The following ABCC8 variants were observed in gnomAD, a reference collection of about 807,000 sequenced individuals.
The protein encoded by ABCC8 is ATP-binding cassette sub-family C member 8.
A neutral mutation model predicts 188.0 loss-of-function variants in ABCC8; 137 were observed. The ratio of observed to expected loss-of-function variants is 0.73; its 90% CI spans 0.63 to 0.84. The LOEUF is 0.84. ABCC8 is among the 40% of genes least tolerant of loss of function. ABCC8 has a pLI of 0.00. For synonymous variants in ABCC8, 797 were observed against 846.5 expected (o/e 0.94, Z 1.01); for missense variants, 1,750 against 2,072.7 (o/e 0.84, Z 3.02).
At chr11:17,421,956 G>A (rs568592962) in intron 16 of ABCC8, among the ~76,000 whole-genome samples, 57 of 152,350 alleles carry the variant, frequency 3.7e-4, no homozygotes, top group African/African-American at 1.3e-3. Flanking sequence ...GCCTGGGTAT[G>A]GCTGAAAAGC....
chr11:17,427,743 C>A lies in ABCC8; in HGVS notation c.2116+124G>T. The A allele has an allele frequency of 7.6e-7, 1 of 1,322,102 alleles. No individual in the cohort carries two copies. The highest frequency in any genetic ancestry group is 1.0e-6 in the Non-Finnish European group (1 of 960,092). 81.9% of individuals were successfully genotyped at this position (1,322,102 alleles called of 1,614,324 possible). A position where few individuals can be genotyped will look rare whatever the true frequency, so the allele number is the denominator to read the frequency against. ...GTAGCCTTCCCCTTCTATAATATAC[C>A]CAGGGCATACACCAAGAATGAGCAG... On this transcript the variant is annotated intron_variant, in intron 15 of 38. Transcript: ENST00000389817. This position sits in a 1 kb window ranked among gnomAD's most constrained non-coding sequence, Gnocchi z 5.0.
intron 7 of ABCC8, among the ~76,000 whole-genome samples, chr11:17,450,415 T>C (rs575382508): frequency 6.8e-6 from 1 of 147,514 alleles, no homozygotes; most frequent in South Asian, 2.2e-4. Context: ...TTTTTTTTTT[T>C]TCAGAGTCTT....
At chr11:17,426,577 G>C (rs1466894827) in intron 16 of ABCC8, among the ~76,000 whole-genome samples, 1 of 152,160 alleles carries the variant, frequency 6.6e-6, no homozygotes, top group Non-Finnish European at 1.5e-5. Context: ...TGGATCTTCA[G>C]AACACCCACT....
At chr11:17,462,797 A>AGC (rs1006539489) in intron 4 of ABCC8, among the ~76,000 whole-genome samples, 28 of 113,270 alleles carry the variant, frequency 2.5e-4, no homozygotes, top group African/African-American at 1.3e-3. Flanking sequence ...CAGTGCAGAA[A>AGC]ACTGCATAAT....
At chr11:17,452,946 C>G (rs1248805918) in intron 7 of ABCC8, among the ~76,000 whole-genome samples, 173 bp downstream of exon 7, 1 of 152,208 alleles carries the variant, frequency 6.6e-6, no homozygotes, top group East Asian at 1.9e-4. Context: ...ATATTTTCCA[C>G]TATCCCACAC....
chr11:17,443,414 G>C, intron 8 of ABCC8, 102 bp from the exon 9 acceptor site: 1 of 1,591,188 alleles, frequency 6.3e-7, no homozygotes, highest in South Asian at 1.1e-5. Context: ...AGTGGGACAA[G>C]CCTTGGTGCC....
At chr11:17,402,380 C>G (rs1352829232) in intron 29 of ABCC8, among the ~76,000 whole-genome samples, 3 of 152,206 alleles carry the variant, frequency 2.0e-5, no homozygotes, top group Non-Finnish European at 4.4e-5. Context: ...AGCGTTGATA[C>G]ATGAAGACTT....
intron 10 of ABCC8, 115 bp downstream of exon 10, chr11:17,442,605 G>A: frequency 9.4e-7 from 1 of 1,067,942 alleles, no homozygotes; most frequent in Non-Finnish European, 1.5e-6. Flanking sequence ...TACTGAGTCG[G>A]ATAATCTCAA....
chr11:17,407,243 CA>C, intron 24 of ABCC8, 110 bp downstream of exon 24: 1 of 1,609,862 alleles, frequency 6.2e-7, no homozygotes, highest in East Asian at 2.2e-5. Flanking sequence ...AGAGGGAAGC[CA>C]TTTAATCAAA....
At position 17,412,758 on chromosome 11, in the gene ABCC8, G is replaced by A; in HGVS notation, c.2476-12C>T. On this transcript the variant is annotated splice_polypyrimidine_tract_variant and intron_variant, in intron 20 of 38. Transcript: ENST00000389817. ...GACAGGTTGATGCCCTGTCACCAAAGAGGAGGAACACATCATGCCCTCAGC... is the reference window on the plus strand; with the variant it reads ...GACAGGTTGATGCCCTGTCACCAAAAAGGAGGAACACATCATGCCCTCAGC... 1 of 1,604,174 alleles carries A rather than the reference G, an allele frequency of 6.2e-7. No individual in the cohort carries two copies. Among genetic ancestry groups the A allele is most frequent in the Non-Finnish European group, 8.5e-7 (1 of 1,175,308 alleles).
intron 10 of ABCC8, among the ~76,000 whole-genome samples, chr11:17,442,338 T>G (rs1475942219): frequency 6.6e-6 from 1 of 152,210 alleles, no homozygotes; most frequent in East Asian, 1.9e-4. Flanking sequence ...CAATGACAGC[T>G]CAGTCTGACT....
rs1953844161 is a variant in ABCC8 at position 17,395,182 on chromosome 11, T to C, written c.4401A>G (p.Pro1467=). 1 of 1,577,580 alleles carries C rather than the reference T, an allele frequency of 6.3e-7. No individual in the cohort carries two copies. The highest frequency in any genetic ancestry group is 1.8e-5 in the Admixed American group (1 of 55,474). Residue 1467 remains proline, a synonymous_variant, in exon 36 of 39, where the codon CCA becomes CCG. Transcript: ENST00000389817. The part of the protein sequence containing the change: ...AQLKLVVKAL[P]GGLDAIITEG... ...GCCAGGAGTAGTTACCGAGGCCTCC[T>C]GGCAGTGCCTTCACCACCAGCTTCA...
intron 3 of ABCC8, among the ~76,000 whole-genome samples, chr11:17,464,847 C>A (rs1441482604): frequency 6.6e-6 from 1 of 152,204 alleles, no homozygotes; most frequent in African/African-American, 2.4e-5. Context: ...CGGATAAGGT[C>A]AGCTTCATGA....
chr11:17,475,133 A>G lies in ABCC8; in HGVS notation c.149-106T>C. ...GGGCATTGGGTCCATGGTGAGGGTG[A>G]CACCTACACATGAGGATCCCCAAGG... On this transcript the variant is annotated intron_variant, in intron 1 of 38. Transcript: ENST00000389817. The G allele has an allele frequency of 1.3e-6, 2 of 1,509,174 alleles. 1 individual carries two copies. Among genetic ancestry groups the G allele is most frequent in the South Asian group, 2.4e-5 (2 of 83,974 alleles). The allele number at this position is 1,509,174 out of a possible 1,614,324, so 93.5% of individuals were successfully genotyped here.
At chr11:17,460,341 T>C (rs752649850) in intron 6 of ABCC8, 147 bp downstream of exon 6, 7 of 1,272,038 alleles carry the variant, frequency 5.5e-6, no homozygotes, top group Admixed American at 3.4e-5. Flanking sequence ...TAGAGTATTC[T>C]GTGGTGGGGA....
intron 4 of ABCC8, 36 bp from the exon 5 acceptor site, chr11:17,461,861 C>A: frequency 1.2e-6 from 2 of 1,612,136 alleles, no homozygotes; most frequent in Admixed American, 1.7e-5. Context: ...ATGGGTAAGT[C>A]CAACTTCTCA....
chr11:17,434,429 A>G (rs897037394), intron 10 of ABCC8, among the ~76,000 whole-genome samples: 4 of 152,224 alleles, frequency 2.6e-5, no homozygotes, highest in Admixed American at 2.0e-4. Context: ...ATCCTGAGTA[A>G]TCATTCAAGA....
In ABCC8 at chr11:17,394,262, C is replaced by T. The variant is rs760433463; in HGVS notation, c.4545+4G>A. ...ATGGTCCCATGGAGGGGCCCAGGAC[C>T]AACCGTGGCCATGTCAATGGAAGCC... On this transcript the variant is annotated splice_donor_region_variant and intron_variant, in intron 37 of 38. Coordinates refer to ENST00000389817, the MANE Select transcript of ABCC8 (RefSeq NM_000352.6). 2 of 1,613,738 alleles carry T rather than the reference C, an allele frequency of 1.2e-6. No individual in the cohort carries two copies. Among genetic ancestry groups the T allele is most frequent in the Non-Finnish European group, 1.7e-6 (2 of 1,179,940 alleles).
Position 17,404,497 on chromosome 11 carries a change from C to G in ABCC8, c.3557+15G>C. On this transcript the variant is annotated intron_variant, in intron 28 of 38. Coordinates refer to ENST00000389817, the MANE Select transcript of ABCC8 (RefSeq NM_000352.6). This position sits in a 1 kb window ranked among gnomAD's most constrained non-coding sequence, Gnocchi z 4.7. ...TTGCAAAGCACCTCCCACCCCTCAC[C>G]CCTGAGGCCATCACCTGGACGCCAC... 6.2e-7 allele frequency: 1 copy of G among 1,612,004 alleles called. No individual in the cohort carries two copies. The highest frequency in any genetic ancestry group is 8.5e-7 in the Non-Finnish European group (1 of 1,178,102).
Sources: gnomAD v4.1 joint callset for allele counts (sites outside exome capture counted in the v4.1 genomes callset) on GRCh38, gnomAD v4.1.1 for gene constraint, Gnocchi (gnomAD v3.1) non-coding constraint, MANE v1.5 for transcripts, NCBI Gene and HGNC (gene_info 2026-07-23, HGNC 2026-07-21) for gene names.